The following PGAP1 variants were observed in gnomAD, a reference collection of about 807,000 sequenced individuals.
PGAP1 encodes GPI inositol-deacylase.
Under a neutral mutation model 127.0 loss-of-function variants are expected in PGAP1, and 76 were observed. That is an observed-to-expected ratio of 0.60 (90% confidence interval 0.50 to 0.72). The LOEUF (loss-of-function observed/expected upper bound fraction) is 0.72, where lower values mean the gene tolerates loss of function less well. PGAP1 is among the 30% of genes least tolerant of loss of function. The pLI is 0.00. For missense variants in PGAP1, 982 were observed against 1,071.3 expected (o/e 0.92, Z 1.16); for synonymous variants, 362 against 366.5 (o/e 0.99, Z 0.14).
At chr2:196,897,785 C>A (rs914227990) in intron 6 of PGAP1, among the ~76,000 whole-genome samples, 4 of 152,160 alleles carry the variant, frequency 2.6e-5, no homozygotes, top group African/African-American at 9.7e-5. Flanking sequence ...GAGACTGATG[C>A]TATTGGGTTT....
At chr2:196,844,823 A>C (rs958264513) in intron 23 of PGAP1, among the ~76,000 whole-genome samples, 2 of 152,010 alleles carry the variant, frequency 1.3e-5, no homozygotes, top group Non-Finnish European at 2.9e-5. Flanking sequence ...AACAATACAA[A>C]CTTCTGGAGT....
rs564233251 is a variant in PGAP1, at chr2:196,849,702, A to C, written c.1862-1665T>G. Among the ~76,000 whole-genome samples, 11 of 152,318 alleles carry C rather than the reference A, an allele frequency of 7.2e-5. No homozygotes were observed. In the South Asian group the frequency reaches 2.3e-3, roughly 32 times the overall value. On this transcript the variant is annotated intron_variant, in intron 20 of 26. Coordinates refer to ENST00000354764, the MANE Select transcript of PGAP1 (RefSeq NM_024989.4). ...GGCAGACTTGAAATTGTATAAAAGT[A>C]ACTGAAGGGCACTAAGTAGCTGTAG... is the stretch of plus-strand genomic sequence containing the variant.
chr2:196,877,652 C>T (rs1436938360), intron 13 of PGAP1: 1 of 152,128 alleles, frequency 6.6e-6, no homozygotes, highest in Non-Finnish European at 1.5e-5. Context: ...CAAAACAGAA[C>T]AATGAATCCA....
At chr2:196,903,312 G>T (rs1576182198) in intron 4 of PGAP1, among the ~76,000 whole-genome samples, 1 of 151,318 alleles carries the variant, frequency 6.6e-6, no homozygotes, top group African/African-American at 2.4e-5. Flanking sequence ...GCTTAAAAAG[G>T]CTTAGCTTGG....
intron 6 of PGAP1, 82 bp downstream of exon 6, chr2:196,898,234 TA>T: frequency 1.0e-6 from 1 of 1,004,756 alleles, no homozygotes; most frequent in Non-Finnish European, 1.5e-6. Flanking sequence ...AAAAAAAAGT[TA>T]ACAAGCCAAT....
intron 19 of PGAP1, among the ~76,000 whole-genome samples, chr2:196,868,922 G>A (rs1329592780): frequency 6.6e-6 from 1 of 151,992 alleles, no homozygotes; most frequent in African/African-American, 2.4e-5. Context: ...CAAGCATGAA[G>A]GAAGAACATC....
At chr2:196,846,065 T>A in intron 22 of PGAP1, 48 bp from the exon 23 acceptor site, 3 of 1,161,690 alleles carry the variant, frequency 2.6e-6, no homozygotes, top group Non-Finnish European at 3.6e-6. Flanking sequence ...CAAATATTTA[T>A]ATAGTCACAT....
intron 19 of PGAP1, among the ~76,000 whole-genome samples, chr2:196,867,363 A>G (rs1301426991): frequency 6.6e-6 from 1 of 152,202 alleles, no homozygotes; most frequent in African/African-American, 2.4e-5. Context: ...TTCTCAGCAA[A>G]CTAACACAAG....
chr2:196,849,548 A>G (rs148316327), intron 20 of PGAP1, among the ~76,000 whole-genome samples: 1 of 151,782 alleles, frequency 6.6e-6, no homozygotes, highest in South Asian at 2.1e-4. Context: ...TGTTGGGATT[A>G]CAGGTGTGAG....
At chr2:196,919,087 T>A (rs1342710048) in intron 2 of PGAP1, among the ~76,000 whole-genome samples, 1 of 152,110 alleles carries the variant, frequency 6.6e-6, no homozygotes, top group Non-Finnish European at 1.5e-5. Context: ...TCCTCAAATG[T>A]CATCTCCTCA....
rs545364712 is a variant in PGAP1 at position 196,862,259 on chromosome 2, G to A, written c.1861+2728C>T. On this transcript the variant is annotated intron_variant, in intron 20 of 26. Coordinates refer to ENST00000354764, the MANE Select transcript of PGAP1 (RefSeq NM_024989.4). ...GGCCGTCTTTTATGGTCTGTAGACT[G>A]TAGGGGTGAAATAGACCCCAGTCTC... 5.9e-5 allele frequency among the ~76,000 whole-genome samples: 9 copies of A among 152,168 alleles called. No homozygotes were observed. The South Asian group carries it at 1.9e-3, about 32-fold the overall frequency.
intron 19 of PGAP1, among the ~76,000 whole-genome samples, chr2:196,866,192 G>A (rs1358785069): frequency 6.6e-6 from 1 of 152,176 alleles, no homozygotes; most frequent in East Asian, 1.9e-4. Context: ...TAACAATGCT[G>A]GAGGCATCAC....
At position 196,847,059 on chromosome 2, in the gene PGAP1, G is replaced by A. The variant is rs781054291; in HGVS notation, c.2094C>T (p.Gly698=). The change falls in exon 22 of 27, where the codon GGC becomes GGT. Residue 698 remains glycine (G), a synonymous_variant. Coordinates refer to ENST00000354764, the MANE Select transcript of PGAP1 (RefSeq NM_024989.4). Reference sequence around the variant, plus strand: ...GTCTCACAGATGCAGAAGACAGTAGGCCACTCCAGTAGGCAGTACACGTTC... The same window carrying A: ...GTCTCACAGATGCAGAAGACAGTAGACCACTCCAGTAGGCAGTACACGTTC... ...LFGTCTAYWS[G]LLSSASVRLL... The A allele has an allele frequency of 1.9e-6, 3 of 1,613,706 alleles. No individual in the cohort carries two copies. In the South Asian group the frequency reaches 3.3e-5, roughly 18 times the overall value.
At chr2:196,863,435 T>G (rs1301099782) in intron 20 of PGAP1, among the ~76,000 whole-genome samples, 1 of 152,164 alleles carries the variant, frequency 6.6e-6, no homozygotes, top group East Asian at 1.9e-4. Flanking sequence ...TGGATATAAC[T>G]GAAGTACATT....
At chr2:196,851,890 G>C (rs1342820095) in intron 20 of PGAP1, among the ~76,000 whole-genome samples, 1 of 152,090 alleles carries the variant, frequency 6.6e-6, no homozygotes, top group East Asian at 1.9e-4. Flanking sequence ...TTGAGGACCC[G>C]AGTTTCTACG....
At position 196,857,319 on chromosome 2, in the gene PGAP1, G is replaced by A. The variant is rs557683107; in HGVS notation, c.1861+7668C>T. On this transcript the variant is annotated intron_variant, in intron 20 of 26. Coordinates refer to ENST00000354764, the MANE Select transcript of PGAP1 (RefSeq NM_024989.4). ...TGCTGGCCCAGCACTTTGAAATGATGGCAAAAGACTATGGAACAAACTAAG... is the reference window on the plus strand; with the variant it reads ...TGCTGGCCCAGCACTTTGAAATGATAGCAAAAGACTATGGAACAAACTAAG... Among the ~76,000 whole-genome samples, 4 of 152,292 alleles carry A rather than the reference G, an allele frequency of 2.6e-5. No individual in the cohort carries two copies. The South Asian group carries it at 8.3e-4, about 32-fold the overall frequency.
chr2:196,886,024 T>G, intron 10 of PGAP1, 144 bp from the exon 11 acceptor site: 1 of 439,902 alleles, frequency 2.3e-6, no homozygotes, highest in Non-Finnish European at 4.0e-6. Context: ...AGCTTATTGT[T>G]GAGAAACATA....
intron 4 of PGAP1, among the ~76,000 whole-genome samples, chr2:196,904,799 C>T (rs752608405): frequency 2.0e-5 from 3 of 151,878 alleles, no homozygotes; most frequent in African/African-American, 7.3e-5. Context: ...ACAGGCTCCA[C>T]GTGGGGAGGC....
chr2:196,850,886 G>A (rs927112148), intron 20 of PGAP1, among the ~76,000 whole-genome samples: 8 of 152,220 alleles, frequency 5.3e-5, no homozygotes, highest in Admixed American at 5.2e-4. Context: ...AAAAAGAACA[G>A]GGATGGGGAT....
Sources: allele counts gnomAD v4.1 joint callset (sites outside exome capture counted in the v4.1 genomes callset), GRCh38; gene constraint gnomAD v4.1.1; transcripts MANE v1.5; gene names NCBI Gene and HGNC (gene_info 2026-07-23, HGNC 2026-07-21).